CTNNA3: variants seen among roughly 807,000 people sequenced by gnomAD.
CTNNA3 encodes catenin alpha 3, also known as catenin alpha-3.
In CTNNA3, 76 loss-of-function variants were observed where a neutral mutation model predicts 95.7. The observed-to-expected ratio is 0.79, with a 90% CI of 0.66 to 0.96. CTNNA3 has a LOEUF of 0.96. Ranked by LOEUF, CTNNA3 falls within the 40% of genes least tolerant of loss-of-function variation. CTNNA3 has a pLI of 0.00. For synonymous variants in CTNNA3, 431 were observed against 374.4 expected (o/e 1.15, Z -1.74); for missense variants, 1,191 against 1,089.8 (o/e 1.09, Z -1.31).
chr10:65,952,581 T>A (rs74140891), intron 17 of CTNNA3, among the ~76,000 whole-genome samples: 5,189 of 152,258 alleles, frequency 0.034, 266 homozygotes, highest in African/African-American at 0.12. Flanking sequence ...TCTTTCTGTC[T>A]ACAAATGATT....
At chr10:66,047,996 C>T (rs752640979) in intron 15 of CTNNA3, among the ~76,000 whole-genome samples, 38 of 152,228 alleles carry the variant, frequency 2.5e-4, no homozygotes, top group South Asian at 2.1e-4. Flanking sequence ...AATGGAAAAA[C>T]ATCCCATGCT....
chr10:66,387,349 C>T (rs974250451), intron 11 of CTNNA3, among the ~76,000 whole-genome samples: 8 of 152,116 alleles, frequency 5.3e-5, no homozygotes, highest in Admixed American at 1.3e-4. Flanking sequence ...AAAAAATGCT[C>T]GTCATTACTG....
intron 17 of CTNNA3, among the ~76,000 whole-genome samples, chr10:65,935,321 C>T (rs1254472440): frequency 1.3e-5 from 2 of 152,068 alleles, no homozygotes; most frequent in African/African-American, 2.4e-5. Flanking sequence ...CTGCCAATGT[C>T]ATGGAGATAA....
chr10:66,129,863 A>G lies in CTNNA3; in HGVS notation c.1885-26614T>C, dbSNP rs569644307. On this transcript the variant is annotated intron_variant, in intron 13 of 17. Transcript: ENST00000433211. The stretch of plus-strand genomic sequence containing the variant: ...CCCCCACATCACTTAGCCAGTGCCT[A>G]TGTGTGCCCTTGGGTTGGATCTTGC... Among the ~76,000 whole-genome samples the G allele has an allele frequency of 1.3e-4, 20 of 152,054 alleles. 1 individual carries two copies. The South Asian group carries it at 4.0e-3, about 30-fold the overall frequency.
intron 3 of CTNNA3, among the ~76,000 whole-genome samples, chr10:67,594,503 T>C (rs1472992211): frequency 6.6e-6 from 1 of 152,122 alleles, no homozygotes; most frequent in Non-Finnish European, 1.5e-5. Context: ...TTTCTGGAAA[T>C]TTATCAGTTT....
At chr10:66,248,640 G>A (rs1223210001) in intron 13 of CTNNA3, among the ~76,000 whole-genome samples, 1 of 152,186 alleles carries the variant, frequency 6.6e-6, no homozygotes, top group East Asian at 1.9e-4. Flanking sequence ...ACTGTAAGAA[G>A]AAACAAAGAA....
At chr10:66,179,952 A>T (rs900386790) in intron 13 of CTNNA3, among the ~76,000 whole-genome samples, 1 of 152,246 alleles carries the variant, frequency 6.6e-6, no homozygotes. Context: ...TATGGGTTGA[A>T]TAGTAGATGT....
At chr10:66,210,342 T>G (rs10996976) in intron 13 of CTNNA3, among the ~76,000 whole-genome samples, 34,832 of 150,518 alleles carry the variant, frequency 0.23, 6,729 homozygotes, top group African/African-American at 0.54. Flanking sequence ...AGCATCTGAT[T>G]TAGAGTCTTT....
At chr10:66,208,164 T>A (rs1372198620) in intron 13 of CTNNA3, among the ~76,000 whole-genome samples, 1 of 152,102 alleles carries the variant, frequency 6.6e-6, no homozygotes, top group Non-Finnish European at 1.5e-5. Flanking sequence ...GAAGAACGAC[T>A]AATGATCTTG....
chr10:66,207,260 T>C (rs2087822576), intron 13 of CTNNA3, among the ~76,000 whole-genome samples: 1 of 151,848 alleles, frequency 6.6e-6, no homozygotes, highest in Admixed American at 6.6e-5. Flanking sequence ...TCCTTAAAAG[T>C]CATGCTGCAA....
intron 10 of CTNNA3, among the ~76,000 whole-genome samples, chr10:66,549,819 G>A (rs916512205): frequency 5.9e-5 from 9 of 152,080 alleles, no homozygotes; most frequent in Admixed American, 1.3e-4. Context: ...CTTTAATTAT[G>A]TTGTGGTCAG....
In CTNNA3 at chr10:66,154,719, C is replaced by CATATAT. The variant is rs569694429; in HGVS notation, c.1885-51476_1885-51471dup. On this transcript the variant is annotated intron_variant, in intron 13 of 17. Coordinates refer to ENST00000433211, the MANE Select transcript of CTNNA3 (RefSeq NM_013266.4). The stretch of plus-strand genomic sequence containing the variant: ...TCTCTCTCTACTTTTTGAAAAAGTT[C>CATATAT]ATATATATATATATATATATATTTC... Among the ~76,000 whole-genome samples the CATATAT allele has an allele frequency of 8.8e-3, 660 of 74,806 alleles. 52 individuals are homozygous for CATATAT. Among genetic ancestry groups the CATATAT allele is most frequent in the African/African-American group, 0.033 (602 of 18,362 alleles). 49.1% of individuals were successfully genotyped at this position (74,806 alleles called of 152,430 possible).
intron 4 of CTNNA3, among the ~76,000 whole-genome samples, chr10:67,528,351 C>G (rs1209844761): frequency 6.6e-6 from 1 of 152,024 alleles, no homozygotes; most frequent in Non-Finnish European, 1.5e-5. Flanking sequence ...CATGGTTTCC[C>G]CTTAGCTTTC....
At chr10:66,189,619 C>CAT (rs1258504289) in intron 13 of CTNNA3, among the ~76,000 whole-genome samples, 26 of 96,624 alleles carry the variant, frequency 2.7e-4, no homozygotes, top group African/African-American at 5.5e-4. Flanking sequence ...TATATATATA[C>CAT]ACACATACAC....
At chr10:67,119,948 T>A (rs1859376704) in intron 7 of CTNNA3, among the ~76,000 whole-genome samples, 1 of 151,842 alleles carries the variant, frequency 6.6e-6, no homozygotes, top group Non-Finnish European at 1.5e-5. Flanking sequence ...AATCAGATAA[T>A]TCTAAAATAA....
At chr10:66,139,464 A>G (rs1761716466) in intron 13 of CTNNA3, among the ~76,000 whole-genome samples, 1 of 152,080 alleles carries the variant, frequency 6.6e-6, no homozygotes, top group Admixed American at 6.5e-5. Context: ...TTTGACTACA[A>G]TACTCTTGAT....
chr10:67,515,385 A>G (rs1000478222), intron 5 of CTNNA3, among the ~76,000 whole-genome samples: 9 of 152,236 alleles, frequency 5.9e-5, no homozygotes, highest in African/African-American at 2.2e-4. Context: ...AGAAAACTAA[A>G]GAATAAATGT....
At chr10:67,419,937 C>T (rs559074632) in intron 5 of CTNNA3, among the ~76,000 whole-genome samples, 121 of 152,190 alleles carry the variant, frequency 8.0e-4, no homozygotes, top group Middle Eastern at 6.8e-3. Flanking sequence ...CTGCAACCTC[C>T]ACCTCCCAAG....
chr10:66,148,729 T>TAAA (rs397687242), intron 13 of CTNNA3, among the ~76,000 whole-genome samples: 1 of 151,350 alleles, frequency 6.6e-6, no homozygotes, highest in Non-Finnish European at 1.5e-5. Context: ...AATAAATAAA[T>TAAA]TATCCACTCT....
Sources: allele counts gnomAD v4.1 joint callset (sites outside exome capture counted in the v4.1 genomes callset), GRCh38; gene constraint gnomAD v4.1.1; transcripts MANE v1.5; gene names NCBI Gene and HGNC (gene_info 2026-07-23, HGNC 2026-07-21).